SLC7A10: variants seen among roughly 807,000 people sequenced by gnomAD.
SLC7A10 encodes the protein solute carrier family 7 member 10.
SLC7A10 carries 30 observed loss-of-function variants against 52.7 expected under a neutral mutation model. The ratio of observed to expected loss-of-function variants is 0.57; its 90% CI spans 0.43 to 0.77. The LOEUF (loss-of-function observed/expected upper bound fraction) is 0.77. Ranked by LOEUF, SLC7A10 falls within the 30% of genes least tolerant of loss-of-function variation. The pLI, the probability that SLC7A10 is intolerant of heterozygous loss-of-function variation, is 0.00. For synonymous variants in SLC7A10, 318 were observed against 314.9 expected (o/e 1.01, Z -0.10); for missense variants, 581 against 698.5 (o/e 0.83, Z 1.90).
chr19:33,209,970 TC>T (rs1974506225), intron 9 of SLC7A10, among the ~76,000 whole-genome samples: 1 of 150,086 alleles, frequency 6.7e-6, no homozygotes, highest in Admixed American at 6.7e-5. Context: ...AGACAGGGTC[TC>T]CCTCTGTCAC....
chr19:33,211,586 G>A (rs775977986), intron 5 of SLC7A10, 49 bp from the exon 6 acceptor site: 3 of 1,612,728 alleles, frequency 1.9e-6, no homozygotes, highest in Non-Finnish European at 2.5e-6. Context: ...GAGGGTGCAG[G>A]ACCCCCGAGA....
intron 7 of SLC7A10, 79 bp downstream of exon 7, chr19:33,211,146 C>T (rs1974541121): frequency 1.4e-6 from 2 of 1,403,700 alleles, no homozygotes; most frequent in South Asian, 1.2e-5. Context: ...GTGTCCCTTC[C>T]TCTGGCCCAC....
Position 33,211,404 on chromosome 19 carries a change from G to T in SLC7A10, c.912+10C>A. 1 of 1,613,778 alleles carries T rather than the reference G, an allele frequency of 6.2e-7. No homozygotes were observed. The highest frequency in any genetic ancestry group is 8.5e-7 in the Non-Finnish European group (1 of 1,179,894). On this transcript the variant is annotated intron_variant, in intron 6 of 10. Coordinates refer to ENST00000253188, the MANE Select transcript of SLC7A10 (RefSeq NM_019849.3). ...GGCAGGAGCCAGGGACCGAGCAGGG[G>T]CCCACTCACCACAGCCACCGCATTG...
intron 1 of SLC7A10, 132 bp from the exon 2 acceptor site, chr19:33,216,105 T>C: frequency 5.0e-6 from 4 of 800,274 alleles, no homozygotes; most frequent in Non-Finnish European, 7.7e-6. Flanking sequence ...AGGCAGGAGG[T>C]GGGCTGGAGG....
Position 33,212,552 on chromosome 19 carries a change from G to GACAAGGCC in SLC7A10, c.588_595dup (p.Ser199TrpfsTer22). 1 of 1,614,028 alleles carries GACAAGGCC rather than the reference G, an allele frequency of 6.2e-7. No individual in the cohort carries two copies. The stretch of plus-strand genomic sequence containing the variant: ...GAGAAGGCCCACGCCGATGATGAGG[G>GACAAGGCC]ACAAGGCCAGCAGCTTCCCGCCTGT... On this transcript the variant is annotated frameshift_variant, in exon 4 of 11. Coordinates refer to ENST00000253188, the MANE Select transcript of SLC7A10 (RefSeq NM_019849.3). LOFTEE classifies it high-confidence loss of function.
intron 1 of SLC7A10, among the ~76,000 whole-genome samples, chr19:33,223,309 G>GAAAAA (rs59600246): frequency 4.3e-5 from 5 of 117,334 alleles, no homozygotes; most frequent in African/African-American, 1.3e-4. Context: ...CTCTGTCTCA[G>GAAAAA]AAAAAAAAAA....
At chr19:33,209,273 C>T in intron 10 of SLC7A10, 35 bp downstream of exon 10, 1 of 1,613,158 alleles carries the variant, frequency 6.2e-7, no homozygotes, top group Non-Finnish European at 8.5e-7. Flanking sequence ...GGCCCCGGCC[C>T]CCTGTGCTGG....
chr19:33,217,375 C>T (rs186480502), intron 1 of SLC7A10, among the ~76,000 whole-genome samples: 1 of 152,180 alleles, frequency 6.6e-6, no homozygotes, highest in Non-Finnish European at 1.5e-5. Context: ...AGAGTAGGTT[C>T]CCAGGATGAG....
intron 1 of SLC7A10, among the ~76,000 whole-genome samples, chr19:33,218,256 C>T: frequency 6.6e-6 from 1 of 152,168 alleles, no homozygotes; most frequent in Non-Finnish European, 1.5e-5. Flanking sequence ...GGCTGTATCA[C>T]TAGCCTTGTG....
intron 2 of SLC7A10, among the ~76,000 whole-genome samples, chr19:33,213,231 AG>A (rs1464940519): frequency 2.0e-5 from 3 of 152,040 alleles, no homozygotes; most frequent in African/African-American, 4.8e-5. Flanking sequence ...AACATTGACA[AG>A]GCTGCTGTGG....
rs1042284722 is a variant in SLC7A10, at chr19:33,210,814, G to A, written c.1101C>T (p.Ala367=). ...TCCCCCAACTTACACAGACGAGGAG[G>A]GCGGGGATGGGGGTGCAGTGTCTGA... ...IHVRHCTPIP[A]LLVCCGATAV... is the part of the protein sequence containing the mutation. The change falls in exon 8 of 11, where the codon GCC becomes GCT. Residue 367 remains alanine, a synonymous_variant. Transcript: ENST00000253188. This position sits in a 1 kb window ranked among gnomAD's most constrained non-coding sequence, Gnocchi z 5.6. The A allele has an allele frequency of 6.2e-7, 1 of 1,613,558 alleles. No homozygotes were observed. The highest frequency in any genetic ancestry group is 8.5e-7 in the Non-Finnish European group (1 of 1,180,022).
chr19:33,220,529 C>T (rs1350579029), intron 1 of SLC7A10, among the ~76,000 whole-genome samples: 1 of 152,196 alleles, frequency 6.6e-6, no homozygotes, highest in East Asian at 1.9e-4. Flanking sequence ...GACTTCCAGA[C>T]ACTGGGTGCC....
chr19:33,209,831 A>C (rs1974502359), intron 9 of SLC7A10, among the ~76,000 whole-genome samples: 2 of 152,160 alleles, frequency 1.3e-5, no homozygotes, highest in Non-Finnish European at 2.9e-5. Context: ...ATTTATACAC[A>C]CATGGGGGGC....
At chr19:33,216,113 A>G in intron 1 of SLC7A10, 140 bp from the exon 2 acceptor site, 1 of 743,288 alleles carries the variant, frequency 1.3e-6, no homozygotes, top group Non-Finnish European at 2.1e-6. Flanking sequence ...GGTGGGCTGG[A>G]GGTGTTGAAT....
chr19:33,209,225 C>G, intron 10 of SLC7A10, 83 bp downstream of exon 10: 3 of 1,582,494 alleles, frequency 1.9e-6, no homozygotes, highest in Non-Finnish European at 2.6e-6. Context: ...GGACACCCTG[C>G]TCTGGGGTGA....
intron 5 of SLC7A10, 96 bp from the exon 6 acceptor site, chr19:33,211,633 G>T: frequency 6.2e-7 from 1 of 1,601,524 alleles, no homozygotes; most frequent in Non-Finnish European, 8.5e-7. Context: ...TCCATCTCTT[G>T]TGTCTGCTGG....
intron 1 of SLC7A10, among the ~76,000 whole-genome samples, chr19:33,223,318 A>T (rs1385364560): frequency 1.1e-4 from 17 of 151,846 alleles, no homozygotes; most frequent in African/African-American, 3.9e-4. Flanking sequence ...AGAAAAAAAA[A>T]AAAAAAAAAA....
In SLC7A10 at chr19:33,212,506, G is replaced by T. The variant is rs767445526; in HGVS notation, c.634+8C>A. ...CCCAGCCCGGCCCTTACCCCGACTCGGCCCTACCTTGGAAGATCTGGAGAA... is the reference window on the plus strand; with the variant it reads ...CCCAGCCCGGCCCTTACCCCGACTCTGCCCTACCTTGGAAGATCTGGAGAA... On this transcript the variant is annotated splice_region_variant and intron_variant, in intron 4 of 10. Coordinates refer to ENST00000253188, the MANE Select transcript of SLC7A10 (RefSeq NM_019849.3). The T allele has an allele frequency of 1.2e-6, 2 of 1,613,850 alleles. No individual in the cohort carries two copies. Among genetic ancestry groups the T allele is most frequent in the Non-Finnish European group, 1.7e-6 (2 of 1,180,036 alleles).
intron 2 of SLC7A10, among the ~76,000 whole-genome samples, chr19:33,214,395 C>T (rs1027121219): frequency 1.3e-5 from 2 of 152,210 alleles, no homozygotes; most frequent in Non-Finnish European, 1.5e-5. Flanking sequence ...ACCTCCGCTG[C>T]ACCCACCTCT....
Sources: allele counts gnomAD v4.1 joint callset (sites outside exome capture counted in the v4.1 genomes callset), GRCh38; gene constraint gnomAD v4.1.1; non-coding constraint Gnocchi (gnomAD v3.1); transcripts MANE v1.5; gene names NCBI Gene and HGNC (gene_info 2026-07-23, HGNC 2026-07-21).